Variants in RTN1 observed in about 807,000 individuals in gnomAD.
RTN1 encodes reticulon 1.
RTN1 carries 25 observed loss-of-function variants against 65.5 expected under a neutral mutation model. The observed-to-expected ratio is 0.38, with a 90% confidence interval of 0.28 to 0.53. RTN1 has a LOEUF of 0.53. Among genes scored for constraint, RTN1 ranks in the 20% least tolerant of loss-of-function variants. The pLI, the probability that RTN1 is intolerant of heterozygous loss-of-function variation, is 0.79. For missense variants in RTN1, 983 were observed against 1,025.4 expected, an observed-to-expected ratio of 0.96 and a Z score of 0.57; for synonymous variants, 471 against 447.6, an observed-to-expected ratio of 1.05 and a Z score of -0.66.
intron 1 of RTN1, among the ~76,000 whole-genome samples, chr14:59,805,602 T>C (rs1886621579): frequency 1.3e-5 from 2 of 152,226 alleles, no homozygotes; most frequent in Admixed American, 1.3e-4. Context: ...AACAAATCTT[T>C]TTCTGAAAGG....
chr14:59,712,678 C>G lies in RTN1; in HGVS notation c.1765+14241G>C, dbSNP rs969486266. ...GGCTCACACCTATAATCCCAGCACTCAGGTAGGCTGATCACCTGAGGTCAG... is the reference window on the plus strand; with the variant it reads ...GGCTCACACCTATAATCCCAGCACTGAGGTAGGCTGATCACCTGAGGTCAG... On this transcript the variant is annotated intron_variant, in intron 3 of 8. Coordinates refer to ENST00000267484, the MANE Select transcript of RTN1 (RefSeq NM_021136.3). Among the ~76,000 whole-genome samples the G allele has an allele frequency of 5.9e-5, 9 of 152,226 alleles. No individual in the cohort carries two copies. In the East Asian group the frequency reaches 7.7e-4, roughly 13 times the overall value.
intron 3 of RTN1, among the ~76,000 whole-genome samples, chr14:59,634,044 A>C (rs529033636): frequency 9.8e-5 from 15 of 152,336 alleles, no homozygotes; most frequent in African/African-American, 2.9e-4. Flanking sequence ...GGCAAATAAT[A>C]ACCAAAAAGG....
chr14:59,755,333 T>C (rs1170188660), intron 1 of RTN1, among the ~76,000 whole-genome samples: 3 of 152,182 alleles, frequency 2.0e-5, no homozygotes, highest in Non-Finnish European at 4.4e-5. Context: ...ATAGGGGACA[T>C]TAGTCCTATT....
rs192739803 is a variant in RTN1, at chr14:59,752,493, C to T, written c.242-6012G>A. On this transcript the variant is annotated intron_variant, in intron 1 of 8. Coordinates refer to ENST00000267484, the MANE Select transcript of RTN1 (RefSeq NM_021136.3). Reference sequence around the variant, plus strand: ...GCATTTTAGCATATGAATTTTGGGGCGGGGGTGGTGCACAAACATTCAGAT... The same window carrying T: ...GCATTTTAGCATATGAATTTTGGGGTGGGGGTGGTGCACAAACATTCAGAT... Among the ~76,000 whole-genome samples, 8 of 151,602 alleles carry T rather than the reference C, an allele frequency of 5.3e-5. No homozygotes were observed. The East Asian group carries it at 1.4e-3, about 26-fold the overall frequency.
rs766390139 is a variant in RTN1 at position 59,844,666 on chromosome 14, C to T, written c.241+25724G>A. Reference sequence around the variant, plus strand: ...ATGGATGGTCACCATGGTTGCACAACAGCAAGTGTGTTGTTAACACCACAA... The same window carrying T: ...ATGGATGGTCACCATGGTTGCACAATAGCAAGTGTGTTGTTAACACCACAA... On this transcript the variant is annotated intron_variant, in intron 1 of 8. Transcript: ENST00000267484. Among the ~76,000 whole-genome samples the T allele has an allele frequency of 3.5e-4, 53 of 152,102 alleles. 1 individual carries two copies. The highest frequency in any genetic ancestry group is 6.4e-3 in the Middle Eastern group (2 of 314).
intron 5 of RTN1, 114 bp downstream of exon 5, chr14:59,605,254 T>C (rs1950787): frequency 0.53 from 607,627 of 1,146,376 alleles, 166,926 homozygotes; most frequent in East Asian, 0.83. Context: ...CTTCTGACTC[T>C]AGAATATAAT....
intron 1 of RTN1, among the ~76,000 whole-genome samples, chr14:59,865,095 C>T (rs934422102): frequency 6.6e-6 from 1 of 152,058 alleles, no homozygotes; most frequent in South Asian, 2.1e-4. Context: ...TAATGTTGTA[C>T]AGGCATTATT....
chr14:59,636,805 C>CAAT, intron 3 of RTN1, among the ~76,000 whole-genome samples: 1 of 152,236 alleles, frequency 6.6e-6, no homozygotes, highest in African/African-American at 2.4e-5. Context: ...ATTAATTGTG[C>CAAT]AATAGCATTA....
chr14:59,617,472 G>C (rs968484503), intron 3 of RTN1, among the ~76,000 whole-genome samples: 1 of 152,186 alleles, frequency 6.6e-6, no homozygotes, highest in African/African-American at 2.4e-5. Flanking sequence ...TGTACTTTAT[G>C]CAAATAATCA....
At chr14:59,750,532 A>G (rs1182604995) in intron 1 of RTN1, among the ~76,000 whole-genome samples, 9 of 63,558 alleles carry the variant, frequency 1.4e-4, no homozygotes, top group African/African-American at 6.1e-4. Context: ...TATAATATAT[A>G]TAATATATCT....
chr14:59,708,887 G>T (rs1487905307), intron 3 of RTN1, among the ~76,000 whole-genome samples: 1 of 152,174 alleles, frequency 6.6e-6, no homozygotes. Context: ...AAATCCATCT[G>T]ATCATCGCAT....
chr14:59,729,193 G>A (rs952908757), intron 2 of RTN1, among the ~76,000 whole-genome samples: 1 of 152,196 alleles, frequency 6.6e-6, no homozygotes, highest in African/African-American at 2.4e-5. Context: ...AGAGGTGGGA[G>A]CTGCACTGAT....
rs1180061621 is a variant in RTN1, at chr14:59,749,328, CTATATA to C, written c.242-2853_242-2848del. On this transcript the variant is annotated intron_variant, in intron 1 of 8. Transcript: ENST00000267484. ...TATATCTATATATATATCTATATATCTATATATATCTATATATATCTATATATATCT... is the reference window on the plus strand; with the variant it reads ...TATATCTATATATATATCTATATATCTATCTATATATATCTATATATATCT... Among the ~76,000 whole-genome samples the C allele has an allele frequency of 4.0e-4, 8 of 19,798 alleles. 2 individuals are homozygous for C. Among genetic ancestry groups the C allele is most frequent in the Non-Finnish European group, 5.8e-4 (8 of 13,722 alleles). 13.0% of individuals were successfully genotyped at this position (19,798 alleles called of 152,430 possible).
intron 8 of RTN1, among the ~76,000 whole-genome samples, chr14:59,597,327 TC>T (rs1287624890): frequency 2.0e-5 from 3 of 152,244 alleles, no homozygotes. Flanking sequence ...CTGTGTGGCA[TC>T]CGGCAAGCTA....
At chr14:59,630,503 G>A (rs756385092) in intron 3 of RTN1, 8 of 1,613,576 alleles carry the variant, frequency 5.0e-6, no homozygotes. Flanking sequence ...GCAGTGGCCT[G>A]CATCGTGCGG....
intron 3 of RTN1, among the ~76,000 whole-genome samples, chr14:59,698,612 G>A (rs1040519466): frequency 2.0e-5 from 3 of 152,146 alleles, no homozygotes; most frequent in African/African-American, 7.2e-5. Flanking sequence ...CTCTTTGCCT[G>A]CTGCCATCCA....
At chr14:59,733,833 T>C (rs542927674) in intron 2 of RTN1, among the ~76,000 whole-genome samples, 73 of 152,238 alleles carry the variant, frequency 4.8e-4, no homozygotes, top group African/African-American at 1.4e-3. Context: ...CCCAAACCAA[T>C]TGGGGGCTGA....
chr14:59,787,831 C>T (rs1404963675), intron 1 of RTN1, among the ~76,000 whole-genome samples: 2 of 152,142 alleles, frequency 1.3e-5, no homozygotes, highest in African/African-American at 4.8e-5. Context: ...AATGGTTCCT[C>T]TCCCTTCCGA....
intron 2 of RTN1, among the ~76,000 whole-genome samples, chr14:59,734,315 A>G (rs570274051): frequency 6.6e-6 from 1 of 152,332 alleles, no homozygotes; most frequent in South Asian, 2.1e-4. Flanking sequence ...TCAAAAAGCT[A>G]GAGTGTCCCT....
Sources: allele counts gnomAD v4.1 joint callset (sites outside exome capture counted in the v4.1 genomes callset), GRCh38; gene constraint gnomAD v4.1.1; transcripts MANE v1.5; gene names NCBI Gene and HGNC (gene_info 2026-07-23, HGNC 2026-07-21).